Variants in SPAG17 observed in about 807,000 individuals in gnomAD.
The protein encoded by SPAG17 is sperm-associated antigen 17.
SPAG17 carries 169 observed loss-of-function variants against 273.6 expected under a neutral mutation model. The observed-to-expected ratio is 0.62, with a 90% CI of 0.55 to 0.70. SPAG17 has a LOEUF of 0.70. Among genes scored for constraint, SPAG17 ranks in the 30% least tolerant of loss-of-function variants. The pLI is 0.00. For missense variants in SPAG17, 2,557 were observed against 2,627.8 expected (o/e 0.97, Z 0.59); for synonymous variants, 825 against 873.2 (o/e 0.94, Z 0.97).
chr1:118,003,019 T>C (rs1658481515), intron 32 of SPAG17, among the ~76,000 whole-genome samples: 1 of 152,244 alleles, frequency 6.6e-6, no homozygotes. Context: ...AAGGCAGGCC[T>C]AGTGGTAACA....
chr1:118,027,489 T>C (rs935116858), intron 26 of SPAG17, among the ~76,000 whole-genome samples: 2 of 152,314 alleles, frequency 1.3e-5, no homozygotes, highest in African/African-American at 4.8e-5. Flanking sequence ...TGTTATGTAA[T>C]ATTTATCAGA....
At chr1:117,977,495 G>A (rs1472135125) in intron 43 of SPAG17, among the ~76,000 whole-genome samples, 2 of 152,126 alleles carry the variant, frequency 1.3e-5, no homozygotes, top group Non-Finnish European at 2.9e-5. Context: ...GTTTCCTTAA[G>A]TAAAATGAGG....
chr1:118,135,430 TGG>T (rs1491346822), intron 3 of SPAG17, among the ~76,000 whole-genome samples: 4,364 of 146,316 alleles, frequency 0.03, 97 homozygotes, highest in Non-Finnish European at 0.044. Flanking sequence ...TGTGTGTGTG[TGG>T]GGTATGGTGT....
intron 17 of SPAG17, among the ~76,000 whole-genome samples, chr1:118,070,142 A>AC (rs1653437803): frequency 6.6e-6 from 1 of 152,286 alleles, no homozygotes; most frequent in East Asian, 1.9e-4. Context: ...TTGAAAGCCA[A>AC]CTTCAACTTG....
intron 15 of SPAG17, among the ~76,000 whole-genome samples, chr1:118,079,819 T>A (rs1654388447): frequency 6.6e-6 from 1 of 152,188 alleles, no homozygotes; most frequent in Non-Finnish European, 1.5e-5. Context: ...TATCATTTGG[T>A]TTGAAATATT....
intron 48 of SPAG17, chr1:117,962,456 G>T (rs1182331747): frequency 6.6e-6 from 1 of 151,504 alleles, no homozygotes; most frequent in Non-Finnish European, 1.5e-5. Flanking sequence ...TAGAAATTCT[G>T]TAGTACCATA....
chr1:118,031,262 T>C (rs932891431), intron 25 of SPAG17, among the ~76,000 whole-genome samples: 1 of 144,438 alleles, frequency 6.9e-6, no homozygotes, highest in African/African-American at 2.6e-5. Flanking sequence ...AGCACATCAA[T>C]ATCTAAGACC....
intron 3 of SPAG17, among the ~76,000 whole-genome samples, chr1:118,135,111 C>T (rs1191568464): frequency 6.6e-6 from 1 of 152,128 alleles, no homozygotes; most frequent in Non-Finnish European, 1.5e-5. Flanking sequence ...ACAAATTACC[C>T]AGATCTTTGC....
chr1:118,101,553 G>A (rs2102220069), intron 5 of SPAG17, among the ~76,000 whole-genome samples, 187 bp downstream of exon 5: 1 of 152,320 alleles, frequency 6.6e-6, no homozygotes, highest in East Asian at 1.9e-4. Context: ...TTATTGGGAT[G>A]ACTGCTCCAA....
intron 23 of SPAG17, among the ~76,000 whole-genome samples, chr1:118,037,619 G>C (rs1431207631): frequency 6.6e-6 from 1 of 152,128 alleles, no homozygotes; most frequent in Non-Finnish European, 1.5e-5. Flanking sequence ...TTCTGTTCCT[G>C]TGTTAGTTCG....
Position 118,081,339 on chromosome 1 carries a change from T to C in SPAG17, c.1991-20A>G, listed in dbSNP as rs755902080. On this transcript the variant is annotated intron_variant, in intron 14 of 48. Transcript: ENST00000336338. The stretch of plus-strand genomic sequence containing the variant: ...TAATATCTATTCAGTGTAAGGAACA[T>C]CCATGAGATACAATATGAGAAAAAT... The C allele has an allele frequency of 1.2e-6, 2 of 1,611,736 alleles. No individual in the cohort carries two copies. Among genetic ancestry groups the C allele is most frequent in the Admixed American group, 3.3e-5 (2 of 59,968 alleles).
chr1:118,037,234 T>C (rs992464239), intron 23 of SPAG17, among the ~76,000 whole-genome samples: 13 of 152,236 alleles, frequency 8.5e-5, no homozygotes, highest in Non-Finnish European at 1.8e-4. Context: ...AAACATTTTC[T>C]TAAATTCCCA....
intron 3 of SPAG17, among the ~76,000 whole-genome samples, chr1:118,148,944 A>C (rs77161350): frequency 6.6e-6 from 1 of 152,314 alleles, no homozygotes; most frequent in African/African-American, 2.4e-5. Context: ...CCTCTTCTCC[A>C]GATGTGCAAC....
At chr1:118,141,344 G>C (rs1658670081) in intron 3 of SPAG17, among the ~76,000 whole-genome samples, 1 of 152,138 alleles carries the variant, frequency 6.6e-6, no homozygotes. Context: ...TGTACCACCT[G>C]TACTATAAAC....
intron 1 of SPAG17, among the ~76,000 whole-genome samples, chr1:118,159,748 A>C (rs1659820637): frequency 6.6e-6 from 1 of 152,062 alleles, no homozygotes; most frequent in African/African-American, 2.4e-5. Flanking sequence ...CTAGCACATG[A>C]GCTTAATTCG....
chr1:118,093,398 G>T, intron 7 of SPAG17, 81 bp from the exon 8 acceptor site: 1 of 1,358,942 alleles, frequency 7.4e-7, no homozygotes, highest in Non-Finnish European at 9.9e-7. Context: ...TCTCTTAACA[G>T]TTATGCCCAT....
intron 48 of SPAG17, among the ~76,000 whole-genome samples, chr1:117,958,143 A>T (rs2101304897): frequency 6.6e-6 from 1 of 152,356 alleles, no homozygotes; most frequent in East Asian, 1.9e-4. Context: ...AGCCAATGCC[A>T]AATAGTTAAA....
At chr1:118,129,009 G>T (rs1472273535) in intron 3 of SPAG17, among the ~76,000 whole-genome samples, 1 of 152,140 alleles carries the variant, frequency 6.6e-6, no homozygotes, top group Non-Finnish European at 1.5e-5. Flanking sequence ...TGCTTGATCT[G>T]GTTTCCTTGG....
intron 23 of SPAG17, 40 bp downstream of exon 23, chr1:118,039,252 G>A (rs201790685): frequency 2.5e-6 from 4 of 1,596,872 alleles, no homozygotes; most frequent in Non-Finnish European, 8.5e-7. Context: ...AGAGACAGGA[G>A]TATTAGTCAG....
Sources: allele counts gnomAD v4.1 joint callset (sites outside exome capture counted in the v4.1 genomes callset), GRCh38; gene constraint gnomAD v4.1.1; transcripts MANE v1.5; gene names NCBI Gene and HGNC (gene_info 2026-07-23, HGNC 2026-07-21).